Variants in DNER observed in about 807,000 individuals in gnomAD.
DNER encodes the protein delta/notch like EGF repeat containing, also known as delta and Notch-like epidermal growth factor-related receptor.
Under a neutral mutation model 78.2 loss-of-function variants are expected in DNER, and 33 were observed. That is an observed-to-expected ratio of 0.42 (90% CI 0.32 to 0.56). DNER has a LOEUF of 0.56. DNER is among the 20% of genes least tolerant of loss of function. The probability of loss-of-function intolerance (pLI) is 0.11; values close to 1 mark genes in which losing one functional copy is unlikely to be tolerated. For synonymous variants in DNER, 417 were observed against 384.8 expected (o/e 1.08, Z -0.98); for missense variants, 918 against 975.3 (o/e 0.94, Z 0.78).
intron 8 of DNER, among the ~76,000 whole-genome samples, chr2:229,437,712 TG>T (rs1293852425): frequency 1.3e-5 from 2 of 152,104 alleles, no homozygotes; most frequent in Non-Finnish European, 2.9e-5. Context: ...TGAAGGAACA[TG>T]TCATCAAAGC....
At chr2:229,527,884 G>A (rs1225629686) in intron 5 of DNER, among the ~76,000 whole-genome samples, 1 of 152,118 alleles carries the variant, frequency 6.6e-6, no homozygotes, top group Non-Finnish European at 1.5e-5. Context: ...CAACAATTTT[G>A]TATTTTAACC....
intron 6 of DNER, among the ~76,000 whole-genome samples, chr2:229,487,439 C>A (rs73998248): frequency 6.6e-6 from 1 of 151,990 alleles, no homozygotes; most frequent in Non-Finnish European, 1.5e-5. Context: ...CTGATGATTC[C>A]GAAGAGGAAG....
chr2:229,678,304 T>C (rs1699330080), intron 1 of DNER, among the ~76,000 whole-genome samples: 1 of 151,966 alleles, frequency 6.6e-6, no homozygotes, highest in Non-Finnish European at 1.5e-5. Context: ...GTGAAGACAC[T>C]ACAAATACCT....
chr2:229,588,998 G>C (rs189462434), intron 2 of DNER, among the ~76,000 whole-genome samples: 1 of 152,242 alleles, frequency 6.6e-6, no homozygotes, highest in Non-Finnish European at 1.5e-5. Flanking sequence ...TGGGGAGCTT[G>C]AACGCTGCCT....
At chr2:229,421,606 T>C (rs1693764730) in intron 8 of DNER, among the ~76,000 whole-genome samples, 1 of 145,180 alleles carries the variant, frequency 6.9e-6, no homozygotes, top group African/African-American at 2.6e-5. Flanking sequence ...ATATATATAG[T>C]GGTAAAAAAC....
At chr2:229,388,592 AATATATATATATATATATATATATAT>A (rs56042896) in intron 10 of DNER, among the ~76,000 whole-genome samples, 196 bp from the exon 11 acceptor site, 710 of 58,006 alleles carry the variant, frequency 0.012, 30 homozygotes, top group African/African-American at 0.019. Context: ...CTAAAAAGGA[AATATATATATATATATATATATATAT>A]ATATATATAT....
chr2:229,575,042 T>G (rs1697273850), intron 4 of DNER, among the ~76,000 whole-genome samples: 1 of 152,204 alleles, frequency 6.6e-6, no homozygotes, highest in Non-Finnish European at 1.5e-5. Context: ...AATTCATTAT[T>G]ATTAAGGGAT....
intron 1 of DNER, among the ~76,000 whole-genome samples, chr2:229,659,221 T>C (rs532501314): frequency 2.0e-4 from 31 of 152,266 alleles, no homozygotes; most frequent in African/African-American, 5.8e-4. Flanking sequence ...TCAGTAAACA[T>C]TGGAAATGGG....
chr2:229,535,591 A>G (rs1696386606), intron 5 of DNER, among the ~76,000 whole-genome samples: 1 of 152,096 alleles, frequency 6.6e-6, no homozygotes, highest in African/African-American at 2.4e-5. Flanking sequence ...GTAACTGGTC[A>G]CTCAGAAGCC....
intron 1 of DNER, among the ~76,000 whole-genome samples, chr2:229,680,397 T>C (rs1699365699): frequency 6.6e-6 from 1 of 152,226 alleles, no homozygotes; most frequent in South Asian, 2.1e-4. Flanking sequence ...CTCATTCTTA[T>C]TGGTGATTCT....
rs112533322 is a variant in DNER, at chr2:229,425,891, C to G, written c.1487-7661G>C. On this transcript the variant is annotated intron_variant, in intron 8 of 12. Coordinates refer to ENST00000341772, the MANE Select transcript of DNER (RefSeq NM_139072.4). ...ACAACCAGGGGGAGGTCATGCCACT[C>G]ACTCCCCTCGTACAGACTGAATTCA... 8.1e-3 allele frequency among the ~76,000 whole-genome samples: 1,238 copies of G among 152,266 alleles called. 21 individuals are homozygous for G. Among genetic ancestry groups the G allele is most frequent in the African/African-American group, 0.029 (1,188 of 41,548 alleles).
intron 6 of DNER, among the ~76,000 whole-genome samples, chr2:229,509,944 G>A (rs1477019166): frequency 6.6e-6 from 1 of 152,194 alleles, no homozygotes; most frequent in East Asian, 1.9e-4. Flanking sequence ...GAGAAAAATG[G>A]AGAGAGACTT....
chr2:229,655,833 G>A (rs1698902060), intron 1 of DNER, among the ~76,000 whole-genome samples: 1 of 152,046 alleles, frequency 6.6e-6, no homozygotes, highest in African/African-American at 2.4e-5. Context: ...GAAAGGAAGA[G>A]AAGAGAAGGG....
At chr2:229,400,309 TATACACATGC>T (rs1361088915) in intron 10 of DNER, among the ~76,000 whole-genome samples, 3 of 152,030 alleles carry the variant, frequency 2.0e-5, no homozygotes, top group Admixed American at 2.0e-4. Flanking sequence ...CATGGGTTAG[TATACACATGC>T]ACTTCCTCAC....
chr2:229,572,788 T>A (rs1348853780), intron 4 of DNER, among the ~76,000 whole-genome samples: 1 of 152,232 alleles, frequency 6.6e-6, no homozygotes, highest in Non-Finnish European at 1.5e-5. Context: ...CTCTTATTCA[T>A]AATCCCTCAA....
intron 7 of DNER, among the ~76,000 whole-genome samples, chr2:229,452,911 A>G (rs1694491928): frequency 6.6e-6 from 1 of 152,204 alleles, no homozygotes; most frequent in East Asian, 1.9e-4. Context: ...TACAGGCGTG[A>G]GCCACCACAC....
intron 4 of DNER, among the ~76,000 whole-genome samples, chr2:229,569,377 C>T (rs1697174888): frequency 6.6e-6 from 1 of 152,100 alleles, no homozygotes; most frequent in South Asian, 2.1e-4. Flanking sequence ...CAAAAGTTAA[C>T]AGGGCATGAT....
At chr2:229,544,493 A>G (rs112373376) in intron 5 of DNER, among the ~76,000 whole-genome samples, 8,729 of 151,654 alleles carry the variant, frequency 0.058, 829 homozygotes, top group African/African-American at 0.19. Flanking sequence ...AAAATGTTAT[A>G]TATCTATTTA....
chr2:229,582,915 G>A lies in DNER; in HGVS notation c.847+2943C>T, dbSNP rs138256609. Among the ~76,000 whole-genome samples, 122 of 152,102 alleles carry A rather than the reference G, an allele frequency of 8.0e-4. 1 individual carries two copies. In the East Asian group the frequency reaches 0.015, roughly 19 times the overall value. The stretch of plus-strand genomic sequence containing the variant: ...CAGCCTCCCAAAGTGCTCGGATTAC[G>A]GGCACGAGCCACCGCGCCTGACCTA... On this transcript the variant is annotated intron_variant, in intron 4 of 12. Coordinates refer to ENST00000341772, the MANE Select transcript of DNER (RefSeq NM_139072.4).
Sources: allele counts gnomAD v4.1 joint callset (sites outside exome capture counted in the v4.1 genomes callset), GRCh38; gene constraint gnomAD v4.1.1; transcripts MANE v1.5; gene names NCBI Gene and HGNC (gene_info 2026-07-23, HGNC 2026-07-21).